Variants in TGFB2 observed in about 807,000 individuals in gnomAD.
The protein encoded by TGFB2 is transforming growth factor beta 2.
Under a neutral mutation model 42.7 loss-of-function variants are expected in TGFB2, and 13 were observed. That is an observed-to-expected ratio of 0.30 (90% CI 0.20 to 0.48). The LOEUF (loss-of-function observed/expected upper bound fraction) is 0.48. TGFB2 is among the 20% of genes least tolerant of loss of function. TGFB2 has a pLI of 0.99. For missense variants in TGFB2, 390 were observed against 517.5 expected, an observed-to-expected ratio of 0.75 and a Z score of 2.39; for synonymous variants, 193 against 193.6, an observed-to-expected ratio of 1.00 and a Z score of 0.03.
intron 1 of TGFB2, among the ~76,000 whole-genome samples, chr1:218,361,057 A>G (rs1482743832): frequency 2.6e-5 from 4 of 152,142 alleles, no homozygotes; most frequent in Non-Finnish European, 1.5e-5. Flanking sequence ...GTTTCACCAT[A>G]TTGGCCAGGC....
intron 1 of TGFB2, among the ~76,000 whole-genome samples, chr1:218,351,930 G>T (rs1571826384): frequency 6.6e-6 from 1 of 152,158 alleles, no homozygotes; most frequent in South Asian, 2.1e-4. Context: ...ATCAAATCTG[G>T]GTTAGAACCA....
At chr1:218,382,255 A>G (rs1657990427) in intron 1 of TGFB2, among the ~76,000 whole-genome samples, 1 of 152,220 alleles carries the variant, frequency 6.6e-6, no homozygotes, top group African/African-American at 2.4e-5. Context: ...TCTTGCCCAG[A>G]GGCCCCTGGC....
At chr1:218,378,877 G>A (rs1307121918) in intron 1 of TGFB2, among the ~76,000 whole-genome samples, 3 of 152,088 alleles carry the variant, frequency 2.0e-5, no homozygotes, top group Non-Finnish European at 4.4e-5. Context: ...GGAAAGGCGG[G>A]TAATGGAAGA....
Position 218,346,410 on chromosome 1 carries a change from T to C in TGFB2, c.-292T>C, listed in dbSNP as rs1656678860. ...AGCCACTCGTCTCTTTTTTTCCCCATCTCATTGCTCCAAGAATTTTTTTCT... is the reference window on the plus strand; with the variant it reads ...AGCCACTCGTCTCTTTTTTTCCCCACCTCATTGCTCCAAGAATTTTTTTCT... On this transcript the variant is annotated 5_prime_UTR_variant, in exon 1 of 7. Coordinates refer to ENST00000366930, the MANE Select transcript of TGFB2 (RefSeq NM_003238.6). The surrounding 1 kb of genome is among the most constrained non-coding windows in gnomAD (Gnocchi z 4.9). 4 of 326,420 alleles carry C rather than the reference T, an allele frequency of 1.2e-5. No homozygotes were observed. In the East Asian group the frequency reaches 1.9e-4, roughly 15 times the overall value. The allele number at this position is 326,420 out of a possible 1,614,324, so 20.2% of individuals were successfully genotyped here.
At chr1:218,438,563 G>T (rs1191580234) in intron 6 of TGFB2, among the ~76,000 whole-genome samples, 1 of 152,062 alleles carries the variant, frequency 6.6e-6, no homozygotes, top group Non-Finnish European at 1.5e-5. Flanking sequence ...AAAATGACTT[G>T]AAAATTCGTT....
At chr1:218,405,631 AG>A (rs1658888071) in intron 2 of TGFB2, 1 of 411,148 alleles carries the variant, frequency 2.4e-6, no homozygotes. Flanking sequence ...GGCCTCAAAA[AG>A]TTTGGGGATT....
At chr1:218,437,254 T>A (rs1338470975) in intron 5 of TGFB2, 89 bp from the exon 6 acceptor site, 1 of 1,277,424 alleles carries the variant, frequency 7.8e-7, no homozygotes, top group Non-Finnish European at 1.1e-6. Flanking sequence ...GAATGAATCA[T>A]TTTTCTGGTT....
intron 1 of TGFB2, among the ~76,000 whole-genome samples, chr1:218,386,803 C>G (rs143014672): frequency 5.9e-5 from 9 of 152,282 alleles, no homozygotes; most frequent in African/African-American, 1.9e-4. Context: ...TGTCAATGTT[C>G]TGTTAATAAT....
intron 1 of TGFB2, among the ~76,000 whole-genome samples, chr1:218,364,098 A>G (rs1657307131): frequency 6.6e-6 from 1 of 152,218 alleles, no homozygotes; most frequent in African/African-American, 2.4e-5. Context: ...GGAAGCTGAA[A>G]GATTGGACGC....
chr1:218,402,432 A>T (rs1350248952), intron 1 of TGFB2, among the ~76,000 whole-genome samples: 1 of 152,202 alleles, frequency 6.6e-6, no homozygotes, highest in Non-Finnish European at 1.5e-5. Flanking sequence ...AAAGCCTAGG[A>T]CAGGATCATT....
intron 1 of TGFB2, among the ~76,000 whole-genome samples, chr1:218,398,583 T>A (rs1387890644): frequency 1.3e-5 from 2 of 151,698 alleles, no homozygotes; most frequent in African/African-American, 4.8e-5. Context: ...TTATTTTATT[T>A]ATTTATTTTT....
intron 2 of TGFB2, among the ~76,000 whole-genome samples, chr1:218,412,505 A>G (rs1170574182): frequency 6.6e-6 from 1 of 152,230 alleles, no homozygotes; most frequent in Non-Finnish European, 1.5e-5. Flanking sequence ...CTCGTGTTTC[A>G]GTGTGCGTAC....
chr1:218,387,996 C>T lies in TGFB2; in HGVS notation c.347-17173C>T, dbSNP rs531595688. Among the ~76,000 whole-genome samples the T allele has an allele frequency of 1.1e-4, 16 of 151,948 alleles. 1 individual carries two copies. The highest frequency in any genetic ancestry group is 3.4e-4 in the African/African-American group (14 of 41,450). On this transcript the variant is annotated intron_variant, in intron 1 of 6. Coordinates refer to ENST00000366930, the MANE Select transcript of TGFB2 (RefSeq NM_003238.6). ...TGGAAATGACTGTGATCTGGAAGGC[C>T]CATAGACAGCAAGAACACATCTGTG...
chr1:218,369,090 A>G (rs1224580004), intron 1 of TGFB2, among the ~76,000 whole-genome samples: 3 of 151,704 alleles, frequency 2.0e-5, no homozygotes, highest in South Asian at 2.1e-4. Flanking sequence ...CCCTGTCTCT[A>G]CTAAAAATAC....
rs745717964 is a variant in TGFB2, at chr1:218,442,827, T to G, written c.*1465T>G. The G allele has an allele frequency of 6.6e-6, 1 of 152,212 alleles. No homozygotes were observed. The highest frequency in any genetic ancestry group is 1.5e-5 in the Non-Finnish European group (1 of 68,026). 9.4% of individuals were successfully genotyped at this position (152,212 alleles called of 1,614,324 possible). The stretch of plus-strand genomic sequence containing the variant: ...AAATTGAAGTAAAATGTTTTCATTT[T>G]AGCAAGGATTTAGGGTTCTAACTAA... On this transcript the variant is annotated 3_prime_UTR_variant, in exon 7 of 7. Coordinates refer to ENST00000366930, the MANE Select transcript of TGFB2 (RefSeq NM_003238.6).
rs1322126863 is a variant in TGFB2 at position 218,435,973 on chromosome 1, T to C, written c.758T>C (p.Ile253Thr). 1 of 1,603,594 alleles carries C rather than the reference T, an allele frequency of 6.2e-7. No individual in the cohort carries two copies. Among genetic ancestry groups the C allele is most frequent in the Non-Finnish European group, 8.5e-7 (1 of 1,176,718 alleles). ...SEELEARFAG[I>T]DGTSTYTSGD... ...TACCCAAATGCATTTTTTCAAGGTA[T>C]TGATGGCACCTCCACATATACCAGT... The change falls in exon 5 of 7, where the codon ATT (isoleucine) becomes ACT (threonine). Residue 253 changes from isoleucine to threonine, a missense_variant. Transcript: ENST00000366930.
At chr1:218,404,568 G>A (rs960525594) in intron 1 of TGFB2, among the ~76,000 whole-genome samples, 11 of 152,162 alleles carry the variant, frequency 7.2e-5, no homozygotes, top group Non-Finnish European at 1.3e-4. Context: ...TTTAAAACTG[G>A]ATCTGGTATA....
At chr1:218,379,012 T>C (rs1657854296) in intron 1 of TGFB2, among the ~76,000 whole-genome samples, 3 of 152,136 alleles carry the variant, frequency 2.0e-5, no homozygotes, top group Admixed American at 1.3e-4. Context: ...AGATTCTAGT[T>C]GTCATCCCAG....
chr1:218,390,643 T>C (rs1441490503), intron 1 of TGFB2, among the ~76,000 whole-genome samples: 1 of 152,224 alleles, frequency 6.6e-6, no homozygotes, highest in Admixed American at 6.5e-5. Context: ...AGTTCTGCAA[T>C]GGAGATTCTT....
Sources: allele counts gnomAD v4.1 joint callset (sites outside exome capture counted in the v4.1 genomes callset), GRCh38; gene constraint gnomAD v4.1.1; non-coding constraint Gnocchi (gnomAD v3.1); transcripts MANE v1.5; gene names NCBI Gene and HGNC (gene_info 2026-07-23, HGNC 2026-07-21).